SDK2: variants seen among roughly 807,000 people sequenced by gnomAD.
SDK2 encodes sidekick cell adhesion molecule 2.
SDK2 carries 105 observed loss-of-function variants against 253.9 expected under a neutral mutation model. The ratio of observed to expected loss-of-function variants is 0.41; its 90% CI spans 0.35 to 0.49. The LOEUF is 0.49. Ranked by LOEUF, SDK2 falls within the 20% of genes least tolerant of loss-of-function variation. SDK2 has a pLI of 0.06. For synonymous variants in SDK2, 1,249 were observed against 1,234.9 expected (o/e 1.01, Z -0.24); for missense variants, 2,608 against 3,003.0 (o/e 0.87, Z 3.07).
At chr17:73,388,982 C>CTTCCCA (rs1367443656) in intron 29 of SDK2, among the ~76,000 whole-genome samples, 18 of 126,394 alleles carry the variant, frequency 1.4e-4, no homozygotes, top group African/African-American at 5.1e-4. Context: ...TTCCCTTCCC[C>CTTCCCA]TTCCCCTTCC....
intron 38 of SDK2, 71 bp downstream of exon 38, chr17:73,365,187 A>G: frequency 1.7e-6 from 2 of 1,191,702 alleles, no homozygotes. Flanking sequence ...AGTGGCTGTG[A>G]TGGGCGCTGA....
At chr17:73,432,313 G>A (rs2063332047) in intron 10 of SDK2, among the ~76,000 whole-genome samples, 1 of 152,106 alleles carries the variant, frequency 6.6e-6, no homozygotes, top group Non-Finnish European at 1.5e-5. Flanking sequence ...GTGAGCCTGG[G>A]AATGCAGGTC....
chr17:73,522,396 AGGAG>A (rs1180456575), intron 1 of SDK2, among the ~76,000 whole-genome samples: 6 of 152,352 alleles, frequency 3.9e-5, no homozygotes, highest in Non-Finnish European at 8.8e-5. Context: ...GGGGAAGCAG[AGGAG>A]TCTGCTGAAG....
intron 3 of SDK2, among the ~76,000 whole-genome samples, chr17:73,466,368 C>T (rs1435056415): frequency 2.0e-5 from 3 of 152,164 alleles, no homozygotes; most frequent in African/African-American, 4.8e-5. Context: ...CAGGTCAGTC[C>T]GTACTCATGG....
chr17:73,355,170 A>ATTT (rs2062577349), intron 40 of SDK2, among the ~76,000 whole-genome samples: 1 of 26,762 alleles, frequency 3.7e-5, no homozygotes, highest in Non-Finnish European at 6.0e-5. Flanking sequence ...ATATATATAT[A>ATTT]TATATTTTTT....
At chr17:73,434,257 G>A (rs979021137) in intron 9 of SDK2, among the ~76,000 whole-genome samples, 1 of 152,368 alleles carries the variant, frequency 6.6e-6, no homozygotes, top group African/African-American at 2.4e-5. Flanking sequence ...GGGGACTTCT[G>A]CCACTTTCTA....
chr17:73,429,521 G>C lies in SDK2; in HGVS notation c.1583+990C>G, dbSNP rs138052619. Among the ~76,000 whole-genome samples, 731 of 152,304 alleles carry C rather than the reference G, an allele frequency of 4.8e-3. 3 individuals carry two copies. The highest frequency in any genetic ancestry group is 0.024 in the Middle Eastern group (7 of 292). ...ACCTGGGCTCCCCGGAGTCTCATTT[G>C]GGGGTGGCTGTACAGACTGTCATAG... On this transcript the variant is annotated intron_variant, in intron 12 of 44. Transcript: ENST00000392650.
intron 26 of SDK2, 74 bp downstream of exon 26, chr17:73,394,135 G>A: frequency 1.1e-6 from 1 of 931,234 alleles, no homozygotes; most frequent in Non-Finnish European, 1.6e-6. Context: ...AGGGTGATAA[G>A]GACAAGGCCC....
At chr17:73,560,022 A>C (rs374703127) in intron 1 of SDK2, among the ~76,000 whole-genome samples, 22 of 152,298 alleles carry the variant, frequency 1.4e-4, no homozygotes, top group African/African-American at 5.3e-4. Flanking sequence ...ACACCACGGG[A>C]AGCGGGTCTA....
At chr17:73,622,574 G>C (rs1301154207) in intron 1 of SDK2, among the ~76,000 whole-genome samples, 1 of 152,248 alleles carries the variant, frequency 6.6e-6, no homozygotes, top group Non-Finnish European at 1.5e-5. Context: ...GGCTGGTGCA[G>C]AGGTGGAAAT....
intron 44 of SDK2, among the ~76,000 whole-genome samples, chr17:73,339,964 C>T (rs182371249): frequency 2.5e-3 from 377 of 152,132 alleles, no homozygotes; most frequent in Non-Finnish European, 4.1e-3. Context: ...TCCACCTACC[C>T]GGTTCAAGTG....
Position 73,335,131 on chromosome 17 carries a change from C to A in SDK2, c.*3456G>T. 1 of 152,728 alleles carries A rather than the reference C, an allele frequency of 6.5e-6. No individual in the cohort carries two copies. The allele number at this position is 152,728 out of a possible 1,614,324, so 9.5% of individuals were successfully genotyped here. The stretch of plus-strand genomic sequence containing the variant: ...AGGGATGGACAGAAGGGGAGGCAGC[C>A]TGGGTTTGCAAACTCTCTGGAGCCC... On this transcript the variant is annotated 3_prime_UTR_variant, in exon 45 of 45. Coordinates refer to ENST00000392650, the MANE Select transcript of SDK2 (RefSeq NM_001144952.2).
intron 27 of SDK2, among the ~76,000 whole-genome samples, chr17:73,393,205 AC>A (rs1367360063): frequency 2.9e-5 from 4 of 136,998 alleles, no homozygotes; most frequent in Non-Finnish European, 6.1e-5. Context: ...AGATCGCACC[AC>A]TGCACTCCAG....
chr17:73,411,139 T>G (rs1050791392), intron 18 of SDK2, among the ~76,000 whole-genome samples: 1 of 152,162 alleles, frequency 6.6e-6, no homozygotes, highest in Non-Finnish European at 1.5e-5. Flanking sequence ...TGCTGCTCCC[T>G]GCCCTGCAAA....
chr17:73,367,997 G>A (rs1159031006), intron 37 of SDK2, among the ~76,000 whole-genome samples: 2 of 152,170 alleles, frequency 1.3e-5, no homozygotes, highest in Non-Finnish European at 2.9e-5. Context: ...TCACTGTTGT[G>A]TCCCTAGCAT....
chr17:73,579,343 G>A (rs903641510), intron 1 of SDK2, among the ~76,000 whole-genome samples: 1 of 152,162 alleles, frequency 6.6e-6, no homozygotes, highest in Non-Finnish European at 1.5e-5. Flanking sequence ...GCTGCCCTCT[G>A]CAACTTTATG....
rs534429928 is a variant in SDK2, at chr17:73,643,417, A to G, written c.64+608T>C. On this transcript the variant is annotated intron_variant, in intron 1 of 44. Transcript: ENST00000392650. This position sits in a 1 kb window ranked among gnomAD's most constrained non-coding sequence, Gnocchi z 6.9. ...CACCCCCCGGTGGGTCCGCGGCTGC[A>G]CCCGCGACCTTGGCTCCAGGCCCGC... is the stretch of plus-strand genomic sequence containing the variant. 2.6e-5 allele frequency among the ~76,000 whole-genome samples: 4 copies of G among 151,898 alleles called. No individual in the cohort carries two copies. Among genetic ancestry groups the G allele is most frequent in the East Asian group, 2.0e-4 (1 of 5,120 alleles).
chr17:73,585,645 C>T (rs924983683), intron 1 of SDK2, among the ~76,000 whole-genome samples: 2 of 152,188 alleles, frequency 1.3e-5, no homozygotes, highest in African/African-American at 4.8e-5. Flanking sequence ...CCACCATCCT[C>T]CCTCAGGCCT....
At chr17:73,390,845 ACT>A (rs2062922202) in intron 28 of SDK2, among the ~76,000 whole-genome samples, 1 of 151,826 alleles carries the variant, frequency 6.6e-6, no homozygotes, top group Admixed American at 6.6e-5. Flanking sequence ...TCCTGCCCCC[ACT>A]CTGTCTTGGG....
Sources: allele counts gnomAD v4.1 joint callset (sites outside exome capture counted in the v4.1 genomes callset), GRCh38; gene constraint gnomAD v4.1.1; non-coding constraint Gnocchi (gnomAD v3.1); transcripts MANE v1.5; gene names NCBI Gene and HGNC (gene_info 2026-07-23, HGNC 2026-07-21).